The following EFCAB6 variants were observed in gnomAD, a reference collection of about 807,000 sequenced individuals.
The protein encoded by EFCAB6 is EF-hand calcium binding domain 6.
In EFCAB6, 156 loss-of-function variants were observed where a neutral mutation model predicts 169.8. The ratio of observed to expected loss-of-function variants is 0.92; its 90% confidence interval spans 0.81 to 1.05. The LOEUF (loss-of-function observed/expected upper bound fraction) is 1.05, where lower values mean the gene tolerates loss of function less well. Ranked by LOEUF, EFCAB6 falls within the 50% of genes least tolerant of loss-of-function variation. The probability of loss-of-function intolerance (pLI) is 0.00; values close to 1 mark genes in which losing one functional copy is unlikely to be tolerated. For missense variants in EFCAB6, 1,800 were observed against 1,829.1 expected (o/e 0.98, Z 0.29); for synonymous variants, 698 against 676.4 (o/e 1.03, Z -0.50).
At chr22:43,710,626 A>C (rs8141276) in intron 10 of EFCAB6, among the ~76,000 whole-genome samples, 2,878 of 152,304 alleles carry the variant, frequency 0.019, 91 homozygotes, top group African/African-American at 0.066. Context: ...GAAGTCCTCC[A>C]ACCAGTAAGA....
intron 2 of EFCAB6, among the ~76,000 whole-genome samples, chr22:43,805,812 A>G (rs2062896355): frequency 6.6e-6 from 1 of 152,180 alleles, no homozygotes; most frequent in South Asian, 2.1e-4. Flanking sequence ...TATCCCATGT[A>G]CCCTGGAGCT....
At chr22:43,571,716 C>T (rs926017955) in intron 26 of EFCAB6, among the ~76,000 whole-genome samples, 6 of 152,168 alleles carry the variant, frequency 3.9e-5, no homozygotes, top group Non-Finnish European at 8.8e-5. Flanking sequence ...CTGTCTCTGC[C>T]ACCACCTCCT....
At chr22:43,540,541 ACT>A (rs1225436506) in intron 27 of EFCAB6, 184 bp from the exon 28 acceptor site, 17 of 1,524,040 alleles carry the variant, frequency 1.1e-5, no homozygotes, top group Non-Finnish European at 1.4e-5. Flanking sequence ...CCTCAGGAAG[ACT>A]CTGGAAAAGC....
intron 10 of EFCAB6, among the ~76,000 whole-genome samples, chr22:43,687,902 T>C (rs2058263579): frequency 6.6e-6 from 1 of 152,238 alleles, no homozygotes; most frequent in Non-Finnish European, 1.5e-5. Flanking sequence ...AGAGCCTCTA[T>C]GTTGTGGCAG....
chr22:43,800,087 C>A (rs5764310), intron 2 of EFCAB6, among the ~76,000 whole-genome samples: 133,466 of 152,142 alleles, frequency 0.88, 58,592 homozygotes, highest in East Asian at 0.99. Context: ...AAACTGCTCT[C>A]TAACTCAACA....
chr22:43,727,844 G>A (rs1217740668), intron 8 of EFCAB6, among the ~76,000 whole-genome samples: 1 of 151,928 alleles, frequency 6.6e-6, no homozygotes, highest in African/African-American at 2.4e-5. Flanking sequence ...TACAAGCATG[G>A]CTCGTACATC....
chr22:43,746,516 T>C (rs1419616909), intron 6 of EFCAB6, among the ~76,000 whole-genome samples: 1 of 152,176 alleles, frequency 6.6e-6, no homozygotes, highest in Non-Finnish European at 1.5e-5. Flanking sequence ...AATGCTTACC[T>C]GTAACGTATA....
At chr22:43,657,474 C>T (rs739076) in intron 17 of EFCAB6, among the ~76,000 whole-genome samples, 1 of 144,834 alleles carries the variant, frequency 6.9e-6, no homozygotes, top group African/African-American at 2.5e-5. Flanking sequence ...AAATTAAATA[C>T]ATTTTAAAAA....
chr22:43,599,192 T>C (rs1358234790), intron 23 of EFCAB6, among the ~76,000 whole-genome samples: 1 of 152,196 alleles, frequency 6.6e-6, no homozygotes. Flanking sequence ...TACTCTTTGC[T>C]AAGCCAGTGC....
At position 43,738,524 on chromosome 22, in the gene EFCAB6, CAT is replaced by C. The variant is rs566826431; in HGVS notation, c.508-2533_508-2532del. 3.5e-4 allele frequency among the ~76,000 whole-genome samples: 53 copies of C among 151,730 alleles called. 1 individual carries two copies. In the East Asian group the frequency reaches 9.7e-3, roughly 28 times the overall value. ...ATACTCACACACACCATATCTCACA[CAT>C]ATATTCACACACACCTGTGCATATA... On this transcript the variant is annotated intron_variant, in intron 6 of 31. Transcript: ENST00000262726.
At chr22:43,576,575 A>G in intron 25 of EFCAB6, 87 bp from the exon 26 acceptor site, 1 of 1,169,944 alleles carries the variant, frequency 8.5e-7, no homozygotes, top group Non-Finnish European at 1.2e-6. Context: ...TTTCTGCTGA[A>G]TGCAAATGAA....
intron 23 of EFCAB6, among the ~76,000 whole-genome samples, chr22:43,592,821 T>C (rs1418847316): frequency 6.6e-6 from 1 of 152,234 alleles, no homozygotes; most frequent in African/African-American, 2.4e-5. Context: ...TGTGGCTCAT[T>C]TACTGTTGCT....
chr22:43,630,496 C>T (rs2147871446), intron 19 of EFCAB6, among the ~76,000 whole-genome samples: 1 of 152,334 alleles, frequency 6.6e-6, no homozygotes, highest in South Asian at 2.1e-4. Context: ...CTTCCCACGG[C>T]CTCCACTGGG....
At chr22:43,568,438 A>C (rs1282466189) in intron 26 of EFCAB6, among the ~76,000 whole-genome samples, 1 of 152,210 alleles carries the variant, frequency 6.6e-6, no homozygotes, top group Non-Finnish European at 1.5e-5. Flanking sequence ...TCTGATGCTT[A>C]ATTGATCCAC....
At chr22:43,727,186 CTGAG>C (rs1300492036) in intron 8 of EFCAB6, among the ~76,000 whole-genome samples, 1 of 152,168 alleles carries the variant, frequency 6.6e-6, no homozygotes, top group Non-Finnish European at 1.5e-5. Flanking sequence ...ATTGGGGAGG[CTGAG>C]TGAGGCAAGA....
At chr22:43,549,683 C>G (rs2048272781) in intron 27 of EFCAB6, among the ~76,000 whole-genome samples, 1 of 152,138 alleles carries the variant, frequency 6.6e-6, no homozygotes, top group Admixed American at 6.5e-5. Context: ...AATGCCATCT[C>G]CAAAGCTAGT....
In EFCAB6 at chr22:43,530,829, C is replaced by T. The variant is rs751667777; in HGVS notation, c.4369G>A (p.Ala1457Thr). ...DEAGTGLLSV[A>T]DFRTVLRQYS... ...GCTGTGCTCACCGTCCTGAAATCTG[C>T]GACGCTTAGCAGCCCTGTTCCAGCC... Residue 1457 changes from alanine to threonine, a missense_variant, in exon 31 of 32, where the codon GCA (alanine) becomes ACA (threonine). Ala to Thr is a moderately conservative substitution (Grantham distance 58, BLOSUM62 0). Coordinates refer to ENST00000262726, the MANE Select transcript of EFCAB6 (RefSeq NM_022785.4). 5.8e-5 allele frequency: 93 copies of T among 1,613,718 alleles called. No individual in the cohort carries two copies. The highest frequency in any genetic ancestry group is 1.7e-4 in the Middle Eastern group (1 of 5,774).
At chr22:43,586,179 A>G (rs968256038) in intron 24 of EFCAB6, among the ~76,000 whole-genome samples, 12 of 152,104 alleles carry the variant, frequency 7.9e-5, no homozygotes, top group Non-Finnish European at 1.8e-4. Context: ...TTAAAAGCAC[A>G]CGGGTAAATG....
At chr22:43,625,845 A>G (rs1347757309) in intron 20 of EFCAB6, among the ~76,000 whole-genome samples, 1 of 152,226 alleles carries the variant, frequency 6.6e-6, no homozygotes, top group African/African-American at 2.4e-5. Flanking sequence ...CCGAAGAAGA[A>G]GGTTACTGTG....
Sources: gnomAD v4.1 joint callset for allele counts (sites outside exome capture counted in the v4.1 genomes callset) on GRCh38, gnomAD v4.1.1 for gene constraint, MANE v1.5 for transcripts, NCBI Gene and HGNC (gene_info 2026-07-23, HGNC 2026-07-21) for gene names.